SPATS2L: variants seen among roughly 807,000 people sequenced by gnomAD.
SPATS2L encodes SPATS2-like protein.
A neutral mutation model predicts 59.6 loss-of-function variants in SPATS2L; 30 were observed. That is an observed-to-expected ratio of 0.50 (90% CI 0.38 to 0.68). SPATS2L has a LOEUF of 0.68. SPATS2L is among the 30% of genes least tolerant of loss of function. SPATS2L has a pLI of 0.00. For synonymous variants in SPATS2L, 252 were observed against 263.5 expected, an observed-to-expected ratio of 0.96 and a Z score of 0.42; for missense variants, 615 against 700.0, an observed-to-expected ratio of 0.88 and a Z score of 1.37.
intron 6 of SPATS2L, among the ~76,000 whole-genome samples, chr2:200,429,725 T>C (rs1015091656): frequency 2.0e-5 from 3 of 152,192 alleles, no homozygotes; most frequent in African/African-American, 7.2e-5. Flanking sequence ...AGGGTCACTT[T>C]ATTGCCATCT....
Position 200,477,760 on chromosome 2 carries a change from A to G in SPATS2L, c.1406A>G (p.His469Arg), listed in dbSNP as rs1192245638. Residue 469 changes from histidine (H) to arginine (R), a missense_variant, in exon 13 of 13, where the codon CAC (histidine) becomes CGC (arginine). His to Arg is a conservative substitution (Grantham distance 29). Transcript: ENST00000409140. ...CCACTGGGAAAGGGCAACAGCCGCC[A>G]CGAACACAGAAGACAGCCGCACAAC... ...AEPLGKGNSR[H>R]EHRRQPHNGF... The G allele has an allele frequency of 1.3e-6, 2 of 1,581,758 alleles. No homozygotes were observed. Among genetic ancestry groups the G allele is most frequent in the Admixed American group, 3.7e-5 (2 of 54,784 alleles).
At chr2:200,321,020 A>G (rs759986911) in intron 1 of SPATS2L, among the ~76,000 whole-genome samples, 8 of 152,360 alleles carry the variant, frequency 5.3e-5, no homozygotes, top group Non-Finnish European at 8.8e-5. Flanking sequence ...GATGTTAAAA[A>G]TAATACATAC....
intron 2 of SPATS2L, among the ~76,000 whole-genome samples, chr2:200,363,105 A>G (rs191131121): frequency 6.6e-6 from 1 of 152,260 alleles, no homozygotes; most frequent in Admixed American, 6.5e-5. Context: ...AGTTATTGCT[A>G]CACGTCTCTG....
chr2:200,433,839 A>G (rs544662885), intron 6 of SPATS2L, among the ~76,000 whole-genome samples: 74 of 152,182 alleles, frequency 4.9e-4, no homozygotes, highest in Non-Finnish European at 4.4e-5. Context: ...CCAGGCCCAG[A>G]TGACTTCCTT....
At chr2:200,384,955 A>G (rs578191367) in intron 2 of SPATS2L, among the ~76,000 whole-genome samples, 90 of 152,354 alleles carry the variant, frequency 5.9e-4, no homozygotes, top group Admixed American at 2.5e-3. Context: ...ATTGATTGGT[A>G]TGTATGGAAC....
rs1429692036 is a variant in SPATS2L, at chr2:200,477,841, T to A, written c.1487T>A (p.Met496Lys). The A allele has an allele frequency of 1.3e-6, 2 of 1,583,650 alleles. No individual in the cohort carries two copies. Among genetic ancestry groups the A allele is most frequent in the Non-Finnish European group, 1.7e-6 (2 of 1,164,932 alleles). Residue 496 changes from methionine (M) to lysine (K), a missense_variant, in exon 13 of 13, where the codon ATG becomes AAG. Met to Lys is a moderately conservative substitution (Grantham distance 95). Around this residue, in one of 3 missense-constraint regions of SPATS2L, gnomAD observed 284 missense variants for 280.1 expected, o/e 1.01. Transcript: ENST00000409140. ...GAKNQEASLG[M>K]KTPEAPAHSE... ...AAAAATCAAGAGGCTTCCTTGGGGA[T>A]GAAGACCCCCGAGGCCCCGGCCCAT...
At chr2:200,414,259 G>A (rs975910390) in intron 4 of SPATS2L, among the ~76,000 whole-genome samples, 1 of 152,158 alleles carries the variant, frequency 6.6e-6, no homozygotes, top group African/African-American at 2.4e-5. Flanking sequence ...TCAGTGTTGA[G>A]ATCTCATTAA....
intron 2 of SPATS2L, among the ~76,000 whole-genome samples, chr2:200,381,986 G>A (rs1482478097): frequency 1.3e-5 from 2 of 152,166 alleles, no homozygotes; most frequent in African/African-American, 4.8e-5. Context: ...TTTGTTGGCT[G>A]AGGGCCCACT....
At chr2:200,341,830 C>T (rs1289722945) in intron 2 of SPATS2L, among the ~76,000 whole-genome samples, 1 of 151,786 alleles carries the variant, frequency 6.6e-6, no homozygotes, top group African/African-American at 2.4e-5. Context: ...GCTGGGACTA[C>T]AGGTGCCTGC....
chr2:200,467,750 C>A (rs17532259), intron 10 of SPATS2L, among the ~76,000 whole-genome samples: 68,245 of 152,028 alleles, frequency 0.45, 15,705 homozygotes, highest in Non-Finnish European at 0.49. Context: ...AACACATCCA[C>A]AGGTATATAT....
At chr2:200,321,247 G>A (rs975826115) in intron 1 of SPATS2L, among the ~76,000 whole-genome samples, 1 of 152,120 alleles carries the variant, frequency 6.6e-6, no homozygotes, top group African/African-American at 2.4e-5. Flanking sequence ...GACATAGTCG[G>A]TAAAGAGCTT....
At chr2:200,335,913 G>C (rs2080126812) in intron 2 of SPATS2L, among the ~76,000 whole-genome samples, 1 of 152,224 alleles carries the variant, frequency 6.6e-6, no homozygotes, top group African/African-American at 2.4e-5. Context: ...GAAGTCTCCT[G>C]AGCAAAGAAT....
chr2:200,443,573 C>T (rs567072478), intron 8 of SPATS2L, among the ~76,000 whole-genome samples: 10 of 152,288 alleles, frequency 6.6e-5, no homozygotes, highest in African/African-American at 2.4e-4. Context: ...TTTCCAGTTC[C>T]TCTTCTCCTC....
intron 2 of SPATS2L, among the ~76,000 whole-genome samples, chr2:200,341,014 A>G (rs2080307239): frequency 6.6e-6 from 1 of 152,216 alleles, no homozygotes; most frequent in Non-Finnish European, 1.5e-5. Context: ...TAAAATACTT[A>G]GTTCTGGGAA....
At chr2:200,358,600 T>C (rs1416225562) in intron 2 of SPATS2L, among the ~76,000 whole-genome samples, 1 of 151,994 alleles carries the variant, frequency 6.6e-6, no homozygotes, top group Admixed American at 6.6e-5. Flanking sequence ...ATTTCCTTTT[T>C]TTTTTTTAAG....
At chr2:200,342,375 G>C (rs139125252) in intron 2 of SPATS2L, among the ~76,000 whole-genome samples, 1 of 152,340 alleles carries the variant, frequency 6.6e-6, no homozygotes, top group East Asian at 1.9e-4. Context: ...ATTGGAGGAG[G>C]ACCTGGAAGA....
At chr2:200,329,559 C>A (rs1468794868) in intron 2 of SPATS2L, 79 bp downstream of exon 2, 4 of 1,258,172 alleles carry the variant, frequency 3.2e-6, no homozygotes, top group Non-Finnish European at 4.5e-6. Context: ...GCAGCTGCCT[C>A]CTGGGAGCCT....
chr2:200,414,657 A>C (rs984915787), intron 4 of SPATS2L, among the ~76,000 whole-genome samples: 1 of 152,208 alleles, frequency 6.6e-6, no homozygotes, highest in African/African-American at 2.4e-5. Flanking sequence ...CAAAACCATA[A>C]AAAAAGCCAA....
intron 2 of SPATS2L, among the ~76,000 whole-genome samples, chr2:200,385,104 T>C (rs936672727): frequency 1.3e-5 from 2 of 152,224 alleles, no homozygotes; most frequent in African/African-American, 4.8e-5. Flanking sequence ...ATTTAAAAGC[T>C]CCTGTGGTCG....
Sources: gnomAD v4.1 joint callset for allele counts (sites outside exome capture counted in the v4.1 genomes callset) on GRCh38, gnomAD v4.1.1 for gene constraint, gnomAD v4.1.1 regional missense constraint, MANE v1.5 for transcripts, NCBI Gene and HGNC (gene_info 2026-07-23, HGNC 2026-07-21) for gene names.